SLC29A3: variants seen among roughly 807,000 people sequenced by gnomAD.
SLC29A3 encodes equilibrative nucleoside transporter 3.
In SLC29A3, 18 loss-of-function variants were observed where a neutral mutation model predicts 25.4. The observed-to-expected ratio is 0.71, with a 90% CI of 0.49 to 1.05. SLC29A3 has a LOEUF of 1.05. SLC29A3 is among the 50% of genes least tolerant of loss of function. SLC29A3 has a pLI of 0.00. For synonymous variants in SLC29A3, 258 were observed against 267.1 expected (o/e 0.97, Z 0.33); for missense variants, 586 against 609.0 (o/e 0.96, Z 0.40).
Position 71,342,175 on chromosome 10 carries a change from T to C in SLC29A3, c.301-2034T>C, listed in dbSNP as rs75205282. On this transcript the variant is annotated intron_variant, in intron 2 of 5. Transcript: ENST00000373189. ...CTGCCACCACACCTCATTTTAGAAC[T>C]TTTCCTATAGGCAAAAGCAGCAAAT... 8.5e-3 allele frequency among the ~76,000 whole-genome samples: 1,290 copies of C among 152,222 alleles called. 47 individuals are homozygous for C. Among genetic ancestry groups the C allele is most frequent in the East Asian group, 0.073 (378 of 5,174 alleles).
intron 2 of SLC29A3, among the ~76,000 whole-genome samples, chr10:71,337,513 C>T (rs767208509): frequency 5.3e-5 from 8 of 152,244 alleles, no homozygotes; most frequent in African/African-American, 1.4e-4. Flanking sequence ...AGGCTTGAAT[C>T]GCTTTTCCTC....
chr10:71,323,195 T>C (rs1845893183), intron 2 of SLC29A3, 141 bp downstream of exon 2: 1 of 1,113,286 alleles, frequency 9.0e-7, no homozygotes, highest in Non-Finnish European at 1.3e-6. Context: ...ATGCAAATTA[T>C]GGTTCCATGT....
At chr10:71,325,757 A>C (rs2131800603) in intron 2 of SLC29A3, among the ~76,000 whole-genome samples, 1 of 152,120 alleles carries the variant, frequency 6.6e-6, no homozygotes, top group East Asian at 1.9e-4. Flanking sequence ...CTTGTTAGTG[A>C]TGCAGTCTCC....
At position 71,370,548 on chromosome 10, in the gene SLC29A3, G is replaced by C. The variant is rs1847203425; in HGVS notation, c.*95-5147G>C. Among the ~76,000 whole-genome samples, 2 of 152,044 alleles carry C rather than the reference G, an allele frequency of 1.3e-5. 1 individual carries two copies. The highest frequency in any genetic ancestry group is 4.2e-4 in the South Asian group (2 of 4,814). ...TTTATTATATATATTTTAAGAGATG[G>C]AGTCTTGCTATGTTGCTGAGGTTGG... On this transcript the variant is annotated intron_variant and NMD_transcript_variant, in intron 3 of 4. Coordinates refer to the SLC29A3 transcript ENST00000642772.
rs574861769 is a variant in SLC29A3, at chr10:71,343,806, G to C, written c.301-403G>C. Reference sequence around the variant, plus strand: ...CTACTAAAAACTTAAAAACAAAAACGTGGATAGTCTTGCATTTTGGTGATA... The same window carrying C: ...CTACTAAAAACTTAAAAACAAAAACCTGGATAGTCTTGCATTTTGGTGATA... On this transcript the variant is annotated intron_variant, in intron 2 of 5. Transcript: ENST00000373189. Among the ~76,000 whole-genome samples the C allele has an allele frequency of 9.2e-5, 14 of 152,272 alleles. No homozygotes were observed. The East Asian group carries it at 2.7e-3, about 29-fold the overall frequency.
At position 71,362,014 on chromosome 10, in the gene SLC29A3, G is replaced by A; in HGVS notation, c.834G>A (p.Gln278=). ...TTTCTGGTGAAGAGGAGCTTCCCCA[G>A]GACTCCCTCAGTGCCCCTTCGGTGG... ...HVFSGEEELP[Q]DSLSAPSVAS... is the part of the protein sequence containing the mutation. Residue 278 remains glutamine, a synonymous_variant, in exon 6 of 6, where the codon CAG becomes CAA. Coordinates refer to ENST00000373189, the MANE Select transcript of SLC29A3 (RefSeq NM_018344.6). 6.2e-7 allele frequency: 1 copy of A among 1,614,040 alleles called. No homozygotes were observed. The highest frequency in any genetic ancestry group is 8.5e-7 in the Non-Finnish European group (1 of 1,179,976).
intron 2 of SLC29A3, among the ~76,000 whole-genome samples, chr10:71,333,385 C>T (rs7900534): frequency 0.031 from 4,752 of 152,362 alleles, 219 homozygotes; most frequent in African/African-American, 0.098. Context: ...CATGCAGGCA[C>T]CTGAGGCCTA....
intron 1 of SLC29A3, 123 bp from the exon 2 acceptor site, chr10:71,322,633 G>T: frequency 8.6e-7 from 1 of 1,166,400 alleles, no homozygotes. Context: ...AGGCTTTGGT[G>T]ACTTTACAGA....
chr10:71,345,050 A>C (rs1258462078), intron 3 of SLC29A3, among the ~76,000 whole-genome samples: 3 of 152,166 alleles, frequency 2.0e-5, no homozygotes, highest in African/African-American at 7.2e-5. Flanking sequence ...CAAGATTCTA[A>C]GGCAGGTCTG....
At chr10:71,336,622 C>G (rs1179477854) in intron 2 of SLC29A3, among the ~76,000 whole-genome samples, 1 of 151,244 alleles carries the variant, frequency 6.6e-6, no homozygotes, top group Non-Finnish European at 1.5e-5. Context: ...TCTTGGCCAG[C>G]AGAGAAAGGA....
chr10:71,363,808 CTTTTCT>C (rs1847135743), downstream of SLC29A3, among the ~76,000 whole-genome samples: 4 of 103,720 alleles, frequency 3.9e-5, 1 homozygote, highest in Non-Finnish European at 5.9e-5. Context: ...TTTCCTTTTT[CTTTTCT>C]TTTTTTTTTT....
At chr10:71,363,632 T>C (rs1847127253), downstream of SLC29A3, among the ~76,000 whole-genome samples, 1 of 151,456 alleles carries the variant, frequency 6.6e-6, no homozygotes, top group Non-Finnish European at 1.5e-5. Context: ...CCTCGCTAAT[T>C]TCTGTATTTT....
In SLC29A3 at chr10:71,355,966, T is replaced by C; in HGVS notation, c.611-115T>C. The C allele has an allele frequency of 3.2e-6, 4 of 1,251,526 alleles. No individual in the cohort carries two copies. The Admixed American group carries it at 6.8e-5, about 21-fold the overall frequency. The allele number at this position is 1,251,526 out of a possible 1,614,324, so 77.5% of individuals were successfully genotyped here. A position where few individuals can be genotyped will look rare whatever the true frequency, so the allele number is the denominator to read the frequency against. On this transcript the variant is annotated intron_variant, in intron 4 of 5. Coordinates refer to ENST00000373189, the MANE Select transcript of SLC29A3 (RefSeq NM_018344.6). ...TCAGGACACTGAGAGAGCTTTGGCA[T>C]TTTTCGCACGGAGGAATTTTTATTT... is the stretch of plus-strand genomic sequence containing the variant.
intron 3 of SLC29A3, among the ~76,000 whole-genome samples, chr10:71,348,190 T>C (rs1846646587): frequency 6.6e-6 from 1 of 152,256 alleles, no homozygotes; most frequent in South Asian, 2.1e-4. Flanking sequence ...TGCCAGGCCC[T>C]GTGCCTGTGC....
intron 2 of SLC29A3, among the ~76,000 whole-genome samples, chr10:71,337,668 G>A (rs188901824): frequency 9.2e-5 from 14 of 152,330 alleles, no homozygotes; most frequent in East Asian, 1.9e-4. Flanking sequence ...ATTTCAAAGT[G>A]CCCAAATGGC....
At chr10:71,367,146 G>A (rs1847177034), downstream of SLC29A3, among the ~76,000 whole-genome samples, 1 of 151,210 alleles carries the variant, frequency 6.6e-6, no homozygotes, top group Non-Finnish European at 1.5e-5. Context: ...ATCTCTGTTA[G>A]AGAGATGATT....
In SLC29A3 at chr10:71,351,688, C is replaced by G. The variant is rs1305401692; in HGVS notation, c.510C>G (p.Val170=). The G allele has an allele frequency of 1.9e-6, 3 of 1,614,114 alleles. No homozygotes were observed. The African/African-American group carries it at 4.0e-5, about 22-fold the overall frequency. The change falls in exon 4 of 6, where the codon GTC becomes GTG. Residue 170 remains valine, a synonymous_variant. Coordinates refer to ENST00000373189, the MANE Select transcript of SLC29A3 (RefSeq NM_018344.6). The part of the protein sequence containing the change: ...WTRGFFAVTI[V]CMVILSGAST... ...GTGGCTTTTTTGCGGTCACCATTGT[C>G]TGCATGGTGATCCTCAGCGGTGCCT...
At chr10:71,358,056 C>T (rs901540570) in intron 5 of SLC29A3, among the ~76,000 whole-genome samples, 2 of 152,134 alleles carry the variant, frequency 1.3e-5, no homozygotes, top group Admixed American at 6.6e-5. Context: ...CAGCTGTGAT[C>T]GTATTTTCTC....
At chr10:71,339,758 G>C (rs1017113978) in intron 2 of SLC29A3, among the ~76,000 whole-genome samples, 4 of 152,066 alleles carry the variant, frequency 2.6e-5, no homozygotes, top group Admixed American at 6.5e-5. Flanking sequence ...TCTCCCCACT[G>C]GCACCCATAC....
Sources: allele counts gnomAD v4.1 joint callset (sites outside exome capture counted in the v4.1 genomes callset), GRCh38; gene constraint gnomAD v4.1.1; transcripts MANE v1.5; gene names NCBI Gene and HGNC (gene_info 2026-07-23, HGNC 2026-07-21).